KIF26B: variants seen among roughly 807,000 people sequenced by gnomAD.
The protein encoded by KIF26B is kinesin family member 26B.
KIF26B carries 63 observed loss-of-function variants against 151.2 expected under a neutral mutation model. The ratio of observed to expected loss-of-function variants is 0.42; its 90% CI spans 0.34 to 0.51. KIF26B has a LOEUF of 0.51. KIF26B is among the 20% of genes least tolerant of loss of function. The pLI is 0.07. For missense variants in KIF26B, 2,813 were observed against 2,913.6 expected, an observed-to-expected ratio of 0.97 and a Z score of 0.79; for synonymous variants, 1,357 against 1,262.1, an observed-to-expected ratio of 1.08 and a Z score of -1.59.
At chr1:245,555,313 T>C (rs1572123985) in intron 5 of KIF26B, among the ~76,000 whole-genome samples, 3 of 152,272 alleles carry the variant, frequency 2.0e-5, no homozygotes, top group East Asian at 3.9e-4. Context: ...AACCAGACCA[T>C]GAGAAGGTCA....
chr1:245,522,398 G>A (rs1208112086), intron 4 of KIF26B, among the ~76,000 whole-genome samples: 2 of 152,216 alleles, frequency 1.3e-5, no homozygotes, highest in Non-Finnish European at 2.9e-5. Flanking sequence ...CTCTCTAAGT[G>A]CCTCAGAACA....
chr1:245,648,712 C>T (rs1297913643), intron 10 of KIF26B, among the ~76,000 whole-genome samples: 5 of 152,212 alleles, frequency 3.3e-5, no homozygotes, highest in African/African-American at 1.2e-4. Context: ...CATGCTGGCC[C>T]TACCAACTGG....
At chr1:245,294,074 C>A (rs925847405) in intron 2 of KIF26B, among the ~76,000 whole-genome samples, 8 of 152,086 alleles carry the variant, frequency 5.3e-5, no homozygotes, top group African/African-American at 1.9e-4. Context: ...GAATATAGAC[C>A]ATGATGGTGG....
intron 5 of KIF26B, among the ~76,000 whole-genome samples, chr1:245,587,423 T>C (rs999908315): frequency 1.3e-5 from 2 of 152,174 alleles, no homozygotes; most frequent in Non-Finnish European, 2.9e-5. Context: ...AAGGGGTACT[T>C]AACAGATGCT....
intron 11 of KIF26B, 86 bp downstream of exon 11, chr1:245,684,481 A>T (rs2044483576): frequency 4.5e-5 from 60 of 1,345,228 alleles, no homozygotes; most frequent in Non-Finnish European, 5.8e-5. Context: ...AGCCAAATCA[A>T]CGTTGCCAAT....
At chr1:245,267,895 A>T (rs1273637025) in intron 2 of KIF26B, among the ~76,000 whole-genome samples, 3 of 152,154 alleles carry the variant, frequency 2.0e-5, no homozygotes, top group Non-Finnish European at 4.4e-5. Flanking sequence ...TTGCAGCCTG[A>T]TGCTGGTTGT....
rs1344820196 is a variant in KIF26B, at chr1:245,702,398, C to A, written c.6179-60C>A. The A allele has an allele frequency of 1.3e-6, 2 of 1,593,908 alleles. No homozygotes were observed. Among genetic ancestry groups the A allele is most frequent in the Non-Finnish European group, 1.7e-6 (2 of 1,164,880 alleles). The stretch of plus-strand genomic sequence containing the variant: ...GGGTGGCAGCTCCAGGCTGAGCCGT[C>A]GGGAGTTGCTTCTCACCCTGTTTGC... On this transcript the variant is annotated intron_variant, in intron 14 of 14. Transcript: ENST00000407071. This position sits in a 1 kb window ranked among gnomAD's most constrained non-coding sequence, Gnocchi z 4.1.
rs2044441681 is a variant in KIF26B, at chr1:245,681,683, T to A, written c.2259-2550T>A. ...TGGCTGAATGTGTGGATTCATCAGA[T>A]GATGAGAACATTTAATGTAATAGAT... On this transcript the variant is annotated intron_variant, in intron 10 of 14. Coordinates refer to ENST00000407071, the MANE Select transcript of KIF26B (RefSeq NM_018012.4). Among the ~76,000 whole-genome samples, 3 of 152,198 alleles carry A rather than the reference T, an allele frequency of 2.0e-5. No individual in the cohort carries two copies. In the South Asian group the frequency reaches 6.2e-4, roughly 32 times the overall value.
Position 245,609,473 on chromosome 1 carries a change from A to G in KIF26B, c.1859A>G (p.Gln620Arg), listed in dbSNP as rs761089125. Residue 620 changes from glutamine (Q) to arginine (R), a missense_variant, in exon 8 of 15, where the codon CAG becomes CGG. Coordinates refer to ENST00000407071, the MANE Select transcript of KIF26B (RefSeq NM_018012.4). The stretch of plus-strand genomic sequence containing the variant: ...TCGGAGGTGGCCACGGGCAGCCTGC[A>G]GGACGGCCAGTCCCCGGGCGTGTAC... ...LLSEVATGSL[Q>R]DGQSPGVYLC... 4 of 1,601,756 alleles carry G rather than the reference A, an allele frequency of 2.5e-6. No individual in the cohort carries two copies. The highest frequency in any genetic ancestry group is 3.4e-6 in the Non-Finnish European group (4 of 1,174,042).
intron 3 of KIF26B, among the ~76,000 whole-genome samples, chr1:245,381,298 G>C (rs1673402462): frequency 6.6e-6 from 1 of 152,134 alleles, no homozygotes; most frequent in Admixed American, 6.5e-5. Flanking sequence ...AGGAATGTTT[G>C]TTGTTGTTGT....
chr1:245,611,672 GGGCACGT>G (rs2043522691), intron 8 of KIF26B, 114 bp from the exon 9 acceptor site: 1 of 914,512 alleles, frequency 1.1e-6, no homozygotes, highest in Non-Finnish European at 1.6e-6. Flanking sequence ...AGCCTTAGAG[GGGCACGT>G]GGCTTTACTA....
At chr1:245,514,058 G>A (rs528876303) in intron 4 of KIF26B, among the ~76,000 whole-genome samples, 4 of 152,166 alleles carry the variant, frequency 2.6e-5, no homozygotes, top group East Asian at 3.9e-4. Flanking sequence ...ACAATGCATC[G>A]CGTCCTTGAA....
rs528339558 is a variant in KIF26B at position 245,596,950 on chromosome 1, C to T, written c.1351-5627C>T. Reference sequence around the variant, plus strand: ...AGTCTGTTTTATCAGACACTACGACCGCAACCCTTGCTTTTTTTGTTTGTT... The same window carrying T: ...AGTCTGTTTTATCAGACACTACGACTGCAACCCTTGCTTTTTTTGTTTGTT... On this transcript the variant is annotated intron_variant, in intron 5 of 14. Coordinates refer to ENST00000407071, the MANE Select transcript of KIF26B (RefSeq NM_018012.4). Among the ~76,000 whole-genome samples the T allele has an allele frequency of 3.8e-4, 58 of 152,148 alleles. 1 individual carries two copies. Among genetic ancestry groups the T allele is most frequent in the Middle Eastern group, 3.4e-3 (1 of 294 alleles).
chr1:245,367,355 G>GT lies in KIF26B; in HGVS notation c.988dup (p.Tyr330LeufsTer13). ...TGTCGAGAACCAACGGGGTCACCCT[G>GT]TACCCATACCAGGTAAGTAGCCTGT... On this transcript the variant is annotated frameshift_variant, in exon 3 of 15. Transcript: ENST00000407071. LOFTEE classifies it high-confidence loss of function. The surrounding 1 kb of genome is among the most constrained non-coding windows in gnomAD (Gnocchi z 4.2). 1 of 1,588,460 alleles carries GT rather than the reference G, an allele frequency of 6.3e-7. No homozygotes were observed. Among genetic ancestry groups the GT allele is most frequent in the Non-Finnish European group, 8.6e-7 (1 of 1,167,584 alleles).
Position 245,386,001 on chromosome 1 carries a change from C to T in KIF26B, c.999+18634C>T, listed in dbSNP as rs541491253. ...AGCTATTAACCGGTGCAGAGAAAGC[C>T]GAAAGAGTAAGGCTGAGCCATCTGA... On this transcript the variant is annotated intron_variant, in intron 3 of 14. Coordinates refer to ENST00000407071, the MANE Select transcript of KIF26B (RefSeq NM_018012.4). 1.0e-3 allele frequency among the ~76,000 whole-genome samples: 152 copies of T among 152,142 alleles called. 1 individual carries two copies. Among genetic ancestry groups the T allele is most frequent in the Admixed American group, 3.4e-3 (52 of 15,272 alleles).
chr1:245,222,662 C>T (rs1453783702), intron 2 of KIF26B, among the ~76,000 whole-genome samples: 1 of 152,092 alleles, frequency 6.6e-6, no homozygotes, highest in African/African-American at 2.4e-5. Context: ...ATAGCAGCAC[C>T]ACAGCAAAAC....
At chr1:245,561,811 C>T (rs1255004982) in intron 5 of KIF26B, among the ~76,000 whole-genome samples, 1 of 152,200 alleles carries the variant, frequency 6.6e-6, no homozygotes, top group Non-Finnish European at 1.5e-5. Context: ...CACATCTTAA[C>T]AACTATCGTA....
At chr1:245,569,467 G>A (rs540301790) in intron 5 of KIF26B, among the ~76,000 whole-genome samples, 3 of 152,118 alleles carry the variant, frequency 2.0e-5, no homozygotes, top group South Asian at 2.1e-4. Flanking sequence ...AAAATTAGCC[G>A]GGCATCGTGG....
chr1:245,161,476 G>A (rs1283942941), intron 2 of KIF26B, among the ~76,000 whole-genome samples: 1 of 152,182 alleles, frequency 6.6e-6, no homozygotes, highest in Non-Finnish European at 1.5e-5. Flanking sequence ...GAAGGATTAA[G>A]TCAATTAAAA....
Sources: gnomAD v4.1 joint callset for allele counts (sites outside exome capture counted in the v4.1 genomes callset) on GRCh38, gnomAD v4.1.1 for gene constraint, Gnocchi (gnomAD v3.1) non-coding constraint, MANE v1.5 for transcripts, NCBI Gene and HGNC (gene_info 2026-07-23, HGNC 2026-07-21) for gene names.